SH3RF3: variants seen among roughly 807,000 people sequenced by gnomAD.
SH3RF3 encodes E3 ubiquitin-protein ligase SH3RF3.
SH3RF3 carries 29 observed loss-of-function variants against 66.3 expected under a neutral mutation model. The ratio of observed to expected loss-of-function variants is 0.44; its 90% confidence interval spans 0.33 to 0.60. The LOEUF is 0.60. SH3RF3 is among the 20% of genes least tolerant of loss of function. SH3RF3 has a pLI of 0.04. For synonymous variants in SH3RF3, 583 were observed against 532.0 expected (o/e 1.10, Z -1.32); for missense variants, 1,194 against 1,190.9 (o/e 1.00, Z -0.04).
chr2:109,314,717 A>G (rs1416129198), intron 1 of SH3RF3, among the ~76,000 whole-genome samples: 3 of 152,220 alleles, frequency 2.0e-5, no homozygotes, highest in Non-Finnish European at 4.4e-5. Flanking sequence ...GAATCTTTTT[A>G]CAAGTGCATA....
At chr2:109,449,138 T>C in intron 7 of SH3RF3, 32 bp from the exon 8 acceptor site, 1 of 1,602,072 alleles carries the variant, frequency 6.2e-7, no homozygotes, top group South Asian at 1.1e-5. Context: ...AACTAACCTT[T>C]CAACCTGCTG....
chr2:109,480,355 TGAACA>T (rs577745854), intron 8 of SH3RF3, among the ~76,000 whole-genome samples: 327 of 152,256 alleles, frequency 2.1e-3, no homozygotes, highest in African/African-American at 7.4e-3. Flanking sequence ...ATGGGAGAAC[TGAACA>T]GAAGACATAA....
At chr2:109,171,732 C>T (rs1677788038) in intron 1 of SH3RF3, among the ~76,000 whole-genome samples, 2 of 152,244 alleles carry the variant, frequency 1.3e-5, no homozygotes, top group South Asian at 4.1e-4. Flanking sequence ...CTGCGCCTGG[C>T]GCTGCCCTCC....
At chr2:109,208,460 A>T (rs1678892571) in intron 1 of SH3RF3, among the ~76,000 whole-genome samples, 1 of 152,170 alleles carries the variant, frequency 6.6e-6, no homozygotes, top group South Asian at 2.1e-4. Flanking sequence ...GAAGCCCAAG[A>T]AGCCCTGTGG....
intron 1 of SH3RF3, among the ~76,000 whole-genome samples, chr2:109,314,933 G>A (rs143935039): frequency 1.3e-3 from 205 of 152,264 alleles, no homozygotes; most frequent in African/African-American, 4.3e-3. Context: ...TCGTCTCCCC[G>A]TATGAATCTC....
intron 1 of SH3RF3, among the ~76,000 whole-genome samples, chr2:109,342,759 G>T (rs942063177): frequency 6.6e-6 from 1 of 152,144 alleles, no homozygotes; most frequent in South Asian, 2.1e-4. Flanking sequence ...CGGAGATGGC[G>T]CCGTTGTGCC....
chr2:109,488,591 G>A (rs981126173), intron 8 of SH3RF3, among the ~76,000 whole-genome samples: 22 of 152,106 alleles, frequency 1.4e-4, no homozygotes, highest in African/African-American at 2.9e-4. Flanking sequence ...TTCTGCCCCC[G>A]ACCCCTCACG....
chr2:109,370,515 A>G (rs1025980097), intron 2 of SH3RF3, among the ~76,000 whole-genome samples: 5 of 152,142 alleles, frequency 3.3e-5, no homozygotes, highest in African/African-American at 1.2e-4. Flanking sequence ...CTGTGATTAC[A>G]GGCATGAGCC....
intron 3 of SH3RF3, among the ~76,000 whole-genome samples, chr2:109,395,150 G>A (rs920597228): frequency 3.9e-5 from 6 of 152,254 alleles, no homozygotes; most frequent in Non-Finnish European, 7.3e-5. Flanking sequence ...CTGGGACTCC[G>A]CAGGCAGGCC....
intron 1 of SH3RF3, among the ~76,000 whole-genome samples, chr2:109,318,607 C>T (rs956262590): frequency 6.6e-6 from 1 of 152,212 alleles, no homozygotes; most frequent in Non-Finnish European, 1.5e-5. Flanking sequence ...AGGGGATCGT[C>T]TCATGCTCAC....
At chr2:109,150,702 C>T (rs1423080598) in intron 1 of SH3RF3, among the ~76,000 whole-genome samples, 2 of 151,912 alleles carry the variant, frequency 1.3e-5, no homozygotes, top group South Asian at 2.1e-4. Flanking sequence ...GGGATTGGTG[C>T]GATGAGCCTC....
intron 1 of SH3RF3, among the ~76,000 whole-genome samples, chr2:109,268,065 C>A (rs1680539460): frequency 6.6e-6 from 1 of 151,754 alleles, no homozygotes; most frequent in Non-Finnish European, 1.5e-5. Flanking sequence ...CAGACTGTCC[C>A]CTAATCCCAC....
chr2:109,457,034 A>C (rs571565099), intron 8 of SH3RF3, among the ~76,000 whole-genome samples: 4 of 152,290 alleles, frequency 2.6e-5, no homozygotes, highest in African/African-American at 9.6e-5. Context: ...AGTGTGAATC[A>C]ATCTCCTGTT....
chr2:109,374,969 GC>G (rs901939210), intron 3 of SH3RF3, among the ~76,000 whole-genome samples: 1 of 152,262 alleles, frequency 6.6e-6, no homozygotes, highest in African/African-American at 2.4e-5. Flanking sequence ...CCTGCCAGTG[GC>G]ACAGTGAGCT....
intron 3 of SH3RF3, among the ~76,000 whole-genome samples, chr2:109,381,179 G>T (rs558886590): frequency 1.3e-5 from 2 of 152,242 alleles, no homozygotes; most frequent in African/African-American, 2.4e-5. Context: ...AGGACTGGAA[G>T]TGTGTCAGCC....
chr2:109,287,237 C>T (rs1681049168), intron 1 of SH3RF3, among the ~76,000 whole-genome samples: 1 of 152,188 alleles, frequency 6.6e-6, no homozygotes, highest in Non-Finnish European at 1.5e-5. Context: ...CTGCTCGGGT[C>T]TAGCGAATGG....
Position 109,369,712 on chromosome 2 carries a change from T to C in SH3RF3, c.850-1874T>C, listed in dbSNP as rs578022968. ...AGCACAGAGCCCAGCCTGCCCTCCT[T>C]CTGTGTGATCCCACATGGGCTGTCC... On this transcript the variant is annotated intron_variant, in intron 2 of 9. Coordinates refer to ENST00000309415, the MANE Select transcript of SH3RF3 (RefSeq NM_001099289.3). 5.9e-5 allele frequency among the ~76,000 whole-genome samples: 9 copies of C among 152,272 alleles called. No homozygotes were observed. The South Asian group carries it at 1.9e-3, about 32-fold the overall frequency.
rs371744035 is a variant in SH3RF3, at chr2:109,347,761, A to G, written c.661A>G (p.Ile221Val). Reference sequence around the variant, plus strand: ...CCTCAAGTTCAACAAGGGGGACATCATCGTCCTGCGGCGCAAGGTGGATGA... The same window carrying G: ...CCTCAAGTTCAACAAGGGGGACATCGTCGTCCTGCGGCGCAAGGTGGATGA... ...GDLKFNKGDI[I>V]VLRRKVDEQW... Residue 221 changes from isoleucine (I) to valine (V), a missense_variant, in exon 2 of 10, where the codon ATC (isoleucine) becomes GTC (valine). Transcript: ENST00000309415. The G allele has an allele frequency of 1.7e-5, 27 of 1,613,872 alleles. No individual in the cohort carries two copies. Among genetic ancestry groups the G allele is most frequent in the Non-Finnish European group, 2.3e-5 (27 of 1,179,878 alleles).
chr2:109,145,537 T>A (rs984803691), intron 1 of SH3RF3, among the ~76,000 whole-genome samples: 1 of 152,240 alleles, frequency 6.6e-6, no homozygotes, highest in African/African-American at 2.4e-5. Flanking sequence ...AGGGGCTGCT[T>A]CCTCACACAT....
Sources: gnomAD v4.1 joint callset for allele counts (sites outside exome capture counted in the v4.1 genomes callset) on GRCh38, gnomAD v4.1.1 for gene constraint, MANE v1.5 for transcripts, NCBI Gene and HGNC (gene_info 2026-07-23, HGNC 2026-07-21) for gene names.